PIWIL1: variants seen among roughly 807,000 people sequenced by gnomAD.
The protein encoded by PIWIL1 is piwi like RNA-mediated gene silencing 1, also known as piwi-like protein 1.
In PIWIL1, 73 loss-of-function variants were observed where a neutral mutation model predicts 114.4. That is an observed-to-expected ratio of 0.64 (90% CI 0.53 to 0.78). The LOEUF (loss-of-function observed/expected upper bound fraction) is 0.78. Ranked by LOEUF, PIWIL1 falls within the 30% of genes least tolerant of loss-of-function variation. The pLI is 0.00. For synonymous variants in PIWIL1, 375 were observed against 369.0 expected, an observed-to-expected ratio of 1.02 and a Z score of -0.19; for missense variants, 723 against 1,063.1, an observed-to-expected ratio of 0.68 and a Z score of 4.45.
chr12:130,423,409 C>A, the PIWIL1 span, among the ~76,000 whole-genome samples: 1 of 152,182 alleles, frequency 6.6e-6, no homozygotes. Flanking sequence ...AGACCCAAGG[C>A]CTGGCGCCAT....
the PIWIL1 span, among the ~76,000 whole-genome samples, chr12:130,400,177 A>C: frequency 6.6e-6 from 1 of 152,074 alleles, no homozygotes; most frequent in African/African-American, 2.4e-5. Context: ...GCTGCTAAAA[A>C]CACATCGCTC....
the PIWIL1 span, among the ~76,000 whole-genome samples, chr12:130,392,379 T>G: frequency 5.1e-4 from 23 of 44,682 alleles, no homozygotes; most frequent in East Asian, 1.5e-3. Flanking sequence ...TCATCACATG[T>G]GTCCGTCAGT....
the PIWIL1 span, among the ~76,000 whole-genome samples, chr12:130,406,725 C>T: frequency 6.6e-6 from 1 of 152,232 alleles, no homozygotes; most frequent in African/African-American, 2.4e-5. Flanking sequence ...CGGCCCACTG[C>T]AACCTCTGCC....
chr12:130,409,005 ATG>A, the PIWIL1 span, among the ~76,000 whole-genome samples: 1 of 151,998 alleles, frequency 6.6e-6, no homozygotes, highest in Non-Finnish European at 1.5e-5. Flanking sequence ...GGACCTGCAC[ATG>A]TGTGTCTCCT....
chr12:130,396,987 A>G, the PIWIL1 span: 1 of 158,386 alleles, frequency 6.3e-6, no homozygotes, highest in African/African-American at 2.4e-5. Flanking sequence ...TTATGAGGCA[A>G]GCATTTTGAG....
At chr12:130,421,972 G>A in the PIWIL1 span, among the ~76,000 whole-genome samples, 8 of 152,192 alleles carry the variant, frequency 5.3e-5, no homozygotes, top group Non-Finnish European at 2.9e-5. Context: ...TGGATGTGGG[G>A]AGCACACATT....
Position 130,362,747 on chromosome 12 carries a change from T to A in PIWIL1, c.1971-19T>A. On this transcript the variant is annotated intron_variant, in intron 16 of 20. Transcript: ENST00000245255. Reference sequence around the variant, plus strand: ...TAGACAATTGCATTCTTATTCTAGCTGTGTTTTTCTCTGAATAGCTGGTTC... The same window carrying A: ...TAGACAATTGCATTCTTATTCTAGCAGTGTTTTTCTCTGAATAGCTGGTTC... 6.2e-7 allele frequency: 1 copy of A among 1,606,950 alleles called. No homozygotes were observed.
Position 130,361,167 on chromosome 12 carries a change from A to G in PIWIL1, c.1666-13A>G, listed in dbSNP as rs769048756. 6.2e-7 allele frequency: 1 copy of G among 1,613,540 alleles called. No individual in the cohort carries two copies. Among genetic ancestry groups the G allele is most frequent in the Non-Finnish European group, 8.5e-7 (1 of 1,179,612 alleles). Reference sequence around the variant, plus strand: ...TCTCCTAATTCTTTGTAACAAGGGCACTTTGTTTTCAGGTTGTCTGTCTGT... The same window carrying G: ...TCTCCTAATTCTTTGTAACAAGGGCGCTTTGTTTTCAGGTTGTCTGTCTGT... On this transcript the variant is annotated splice_polypyrimidine_tract_variant and intron_variant, in intron 14 of 20. Transcript: ENST00000245255.
At chr12:130,382,356 C>T in the PIWIL1 span, among the ~76,000 whole-genome samples, 2 of 152,172 alleles carry the variant, frequency 1.3e-5, no homozygotes, top group Non-Finnish European at 2.9e-5. Flanking sequence ...GTCTGGTAAG[C>T]CTGGACCTGT....
In PIWIL1 at chr12:130,349,392, A is replaced by G. The variant is rs531525086; in HGVS notation, c.888A>G (p.Gln296=). 40 of 1,613,590 alleles carry G rather than the reference A, an allele frequency of 2.5e-5. No homozygotes were observed. In the East Asian group the frequency reaches 8.2e-4, roughly 33 times the overall value. The change falls in exon 8 of 21, where the codon CAA becomes CAG. Residue 296 remains glutamine (Q), a synonymous_variant. Coordinates refer to ENST00000245255, the MANE Select transcript of PIWIL1 (RefSeq NM_004764.5). ...ATCAGACAGAAGAACATAAATTTCA[A>G]GAACAAGTTTCCAAAGAACTAATAG... The part of the protein sequence containing the change: ...FYHQTEEHKF[Q]EQVSKELIGL...
At chr12:130,392,323 G>A in the PIWIL1 span, among the ~76,000 whole-genome samples, 15 of 136,112 alleles carry the variant, frequency 1.1e-4, no homozygotes, top group Non-Finnish European at 1.6e-4. Flanking sequence ...TCATGTGTCC[G>A]TCAGTTACCT....
intron 14 of PIWIL1, 59 bp from the exon 15 acceptor site, chr12:130,361,121 T>C: frequency 6.7e-7 from 1 of 1,498,170 alleles, no homozygotes; most frequent in Non-Finnish European, 9.2e-7. Flanking sequence ...TCCTGTCCTC[T>C]CCCTTGCTCT....
chr12:130,404,974 G>A, the PIWIL1 span, among the ~76,000 whole-genome samples: 6 of 152,040 alleles, frequency 3.9e-5, no homozygotes, highest in Non-Finnish European at 8.8e-5. Context: ...TAGGGAAAGT[G>A]CAGATTATTT....
At chr12:130,370,038 G>C (rs764520278) in intron 19 of PIWIL1, among the ~76,000 whole-genome samples, 1 of 152,118 alleles carries the variant, frequency 6.6e-6, no homozygotes, top group Non-Finnish European at 1.5e-5. Context: ...GCATGATTTC[G>C]CTGTTCTTTC....
the PIWIL1 span, chr12:130,406,141 A>T: frequency 1.6e-6 from 2 of 1,290,100 alleles, no homozygotes; most frequent in Non-Finnish European, 2.2e-6. Context: ...ACAAAAATCA[A>T]ATGGTACTTC....
At chr12:130,399,877 G>A in the PIWIL1 span, 2 of 1,572,506 alleles carry the variant, frequency 1.3e-6, no homozygotes, top group Non-Finnish European at 1.7e-6. Context: ...TCTTGCTTTG[G>A]CTAAAGGAAT....
the PIWIL1 span, among the ~76,000 whole-genome samples, chr12:130,400,267 G>A: frequency 6.6e-6 from 1 of 152,174 alleles, no homozygotes; most frequent in African/African-American, 2.4e-5. Flanking sequence ...AAGCTTGAGC[G>A]CTACTGGTCT....
intron 18 of PIWIL1, among the ~76,000 whole-genome samples, chr12:130,365,947 G>A (rs1202469758): frequency 6.6e-6 from 1 of 152,194 alleles, no homozygotes; most frequent in Non-Finnish European, 1.5e-5. Context: ...GTCTGCGTAG[G>A]CAGATAGGGA....
At chr12:130,356,498 T>A (rs1173968423) in intron 12 of PIWIL1, among the ~76,000 whole-genome samples, 1 of 150,168 alleles carries the variant, frequency 6.7e-6, no homozygotes, top group African/African-American at 2.5e-5. Context: ...TTTCACTTTC[T>A]GTCTTGCTGT....
Sources: allele counts gnomAD v4.1 joint callset (sites outside exome capture counted in the v4.1 genomes callset), GRCh38; gene constraint gnomAD v4.1.1; transcripts MANE v1.5; gene names NCBI Gene and HGNC (gene_info 2026-07-23, HGNC 2026-07-21).